STXBP6: variants seen among roughly 807,000 people sequenced by gnomAD.
STXBP6 encodes the protein syntaxin-binding protein 6.
In STXBP6, 21 loss-of-function variants were observed where a neutral mutation model predicts 26.9. That is an observed-to-expected ratio of 0.78 (90% CI 0.55 to 1.12). STXBP6 has a LOEUF of 1.12. Ranked by LOEUF, STXBP6 falls within the 50% of genes most tolerant of loss-of-function variation. The pLI, the probability that STXBP6 is intolerant of heterozygous loss-of-function variation, is 0.00. For synonymous variants in STXBP6, 97 were observed against 92.6 expected, an observed-to-expected ratio of 1.05 and a Z score of -0.27; for missense variants, 232 against 257.9, an observed-to-expected ratio of 0.90 and a Z score of 0.69.
intron 1 of STXBP6, among the ~76,000 whole-genome samples, chr14:25,003,231 T>C (rs1035853063): frequency 6.6e-6 from 1 of 152,156 alleles, no homozygotes; most frequent in African/African-American, 2.4e-5. Flanking sequence ...TAAAGGAAGC[T>C]GTAGACAGGA....
chr14:24,916,197 G>A (rs1270880237), intron 2 of STXBP6, among the ~76,000 whole-genome samples: 2 of 152,084 alleles, frequency 1.3e-5, no homozygotes, highest in African/African-American at 2.4e-5. Context: ...GGCATCTGGT[G>A]GTATTTGCCT....
chr14:24,833,175 G>A (rs1194599675), intron 4 of STXBP6, among the ~76,000 whole-genome samples: 1 of 152,120 alleles, frequency 6.6e-6, no homozygotes, highest in African/African-American at 2.4e-5. Context: ...GCCTCATGAC[G>A]TTGCAGTTAC....
chr14:25,038,053 G>A (rs928343710), intron 1 of STXBP6, among the ~76,000 whole-genome samples: 2 of 151,588 alleles, frequency 1.3e-5, no homozygotes, highest in Non-Finnish European at 2.9e-5. Flanking sequence ...CTTTCATTGT[G>A]TTTTTAAAAA....
chr14:24,932,235 C>T (rs578001640), intron 2 of STXBP6, among the ~76,000 whole-genome samples: 2 of 152,208 alleles, frequency 1.3e-5, no homozygotes, highest in Non-Finnish European at 2.9e-5. Flanking sequence ...GGTGAAACTC[C>T]ATCTCTACTA....
chr14:24,865,403 C>T (rs1239904741), intron 2 of STXBP6, among the ~76,000 whole-genome samples: 2 of 152,138 alleles, frequency 1.3e-5, no homozygotes, highest in South Asian at 2.1e-4. Context: ...TGAGTTGAAG[C>T]GAGTGCTGAG....
intron 2 of STXBP6, among the ~76,000 whole-genome samples, chr14:24,947,783 T>G (rs1167317586): frequency 6.6e-6 from 1 of 152,228 alleles, no homozygotes; most frequent in Non-Finnish European, 1.5e-5. Context: ...AGAATGACAT[T>G]ATCACATCCA....
intron 2 of STXBP6, among the ~76,000 whole-genome samples, chr14:24,860,690 T>A (rs142441213): frequency 1.3e-3 from 196 of 152,164 alleles, no homozygotes; most frequent in African/African-American, 4.5e-3. Context: ...CTGAATAACA[T>A]CTTTTTACAC....
chr14:24,819,433 T>G (rs1441488971), intron 4 of STXBP6: 4 of 591,828 alleles, frequency 6.8e-6, no homozygotes, highest in Non-Finnish European at 1.2e-5. Context: ...TATAAACTCA[T>G]CACTGACATG....
chr14:24,863,104 T>C (rs2069598541), intron 2 of STXBP6, among the ~76,000 whole-genome samples: 1 of 152,140 alleles, frequency 6.6e-6, no homozygotes, highest in African/African-American at 2.4e-5. Context: ...GGATACTCTC[T>C]TTTTCAAGTA....
intron 2 of STXBP6, among the ~76,000 whole-genome samples, chr14:24,971,884 T>G (rs2073916774): frequency 6.6e-6 from 1 of 152,244 alleles, no homozygotes; most frequent in African/African-American, 2.4e-5. Flanking sequence ...TGAATTCTTT[T>G]CATAGCGGTA....
chr14:24,979,828 C>T (rs192452401), intron 1 of STXBP6, among the ~76,000 whole-genome samples: 90 of 152,254 alleles, frequency 5.9e-4, no homozygotes, highest in Admixed American at 2.0e-3. Flanking sequence ...TCACCATCCC[C>T]GGCCTGAATA....
At chr14:25,029,432 T>G (rs2140458838) in intron 1 of STXBP6, among the ~76,000 whole-genome samples, 1 of 152,284 alleles carries the variant, frequency 6.6e-6, no homozygotes, top group East Asian at 1.9e-4. Context: ...TATTTTTAAT[T>G]CAGGTATGTA....
rs1474648802 is a variant in STXBP6, at chr14:24,810,900, T to TGTGTGTGTGTGTGTGTGTGC, written c.*1808_*1809insGCACACACACACACACACAC. The TGTGTGTGTGTGTGTGTGTGC allele has an allele frequency of 2.0e-5, 3 of 152,096 alleles. No homozygotes were observed. The highest frequency in any genetic ancestry group is 6.6e-5 in the Admixed American group (1 of 15,224). The allele number at this position is 152,096 out of a possible 1,614,324, so 9.4% of individuals were successfully genotyped here. On this transcript the variant is annotated 3_prime_UTR_variant, in exon 6 of 6. Transcript: ENST00000323944. ...GTGTGTGTGTGTGTGTGTGTGTGTG[T>TGTGTGTGTGTGTGTGTGTGC]GCATTCTGAACTGAGATCTGCAAAC...
At chr14:24,928,365 A>G (rs1411188128) in intron 2 of STXBP6, among the ~76,000 whole-genome samples, 1 of 150,732 alleles carries the variant, frequency 6.6e-6, no homozygotes, top group Non-Finnish European at 1.5e-5. Flanking sequence ...CAAACCAAGC[A>G]TCCTTGGTTT....
In STXBP6 at chr14:24,809,538, TA is replaced by T. The variant is rs1408763146; in HGVS notation, c.*3170del. The T allele has an allele frequency of 6.6e-6, 1 of 152,228 alleles. No individual in the cohort carries two copies. Among genetic ancestry groups the T allele is most frequent in the African/African-American group, 2.4e-5 (1 of 41,468 alleles). 9.4% of individuals were successfully genotyped at this position (152,228 alleles called of 1,614,324 possible). On this transcript the variant is annotated 3_prime_UTR_variant, in exon 6 of 6. Coordinates refer to ENST00000323944, the MANE Select transcript of STXBP6 (RefSeq NM_001394410.1). The stretch of plus-strand genomic sequence containing the variant: ...TGACATTTTATCATCATGCTAATAC[TA>T]GTTCTGAGGTTTCCCCTTAGGCACA...
intron 1 of STXBP6, among the ~76,000 whole-genome samples, chr14:25,016,141 T>C (rs138209587): frequency 1.3e-5 from 2 of 152,316 alleles, no homozygotes; most frequent in Non-Finnish European, 2.9e-5. Context: ...GCTCAATAAA[T>C]GCTACCTACT....
intron 2 of STXBP6, among the ~76,000 whole-genome samples, chr14:24,941,590 G>C (rs538942074): frequency 2.0e-4 from 30 of 152,170 alleles, no homozygotes; most frequent in Non-Finnish European, 3.8e-4. Flanking sequence ...GAAGTAAGCA[G>C]AAACCAGATC....
intron 2 of STXBP6, among the ~76,000 whole-genome samples, chr14:24,908,534 T>G (rs1306536706): frequency 6.6e-6 from 1 of 152,202 alleles, no homozygotes; most frequent in East Asian, 1.9e-4. Flanking sequence ...CCCTTCAATC[T>G]TGTTTCTTCT....
At chr14:24,987,451 T>A (rs550622702) in intron 1 of STXBP6, among the ~76,000 whole-genome samples, 1 of 152,312 alleles carries the variant, frequency 6.6e-6, no homozygotes, top group East Asian at 1.9e-4. Context: ...GGAAATCAGC[T>A]CCCTGGGTCC....
Sources: allele counts gnomAD v4.1 joint callset (sites outside exome capture counted in the v4.1 genomes callset), GRCh38; gene constraint gnomAD v4.1.1; transcripts MANE v1.5; gene names NCBI Gene and HGNC (gene_info 2026-07-23, HGNC 2026-07-21).